ANKIB1: variants seen among roughly 807,000 people sequenced by gnomAD.
ANKIB1 encodes the protein ankyrin repeat and IBR domain-containing protein 1.
ANKIB1 carries 43 observed loss-of-function variants against 122.1 expected under a neutral mutation model. The observed-to-expected ratio is 0.35, with a 90% CI of 0.28 to 0.45. The LOEUF is 0.45. Ranked by LOEUF, ANKIB1 falls within the 20% of genes least tolerant of loss-of-function variation. The probability of loss-of-function intolerance (pLI) is 1.00; values close to 1 mark genes in which losing one functional copy is unlikely to be tolerated. For missense variants in ANKIB1, 992 were observed against 1,329.5 expected (o/e 0.75, Z 3.95); for synonymous variants, 390 against 442.0 (o/e 0.88, Z 1.48).
chr7:92,344,209 T>G (rs80173855), intron 6 of ANKIB1, among the ~76,000 whole-genome samples: 3 of 141,046 alleles, frequency 2.1e-5, no homozygotes, highest in African/African-American at 5.3e-5. Flanking sequence ...TTTTTTTTTT[T>G]TTTTTTTTTT....
chr7:92,251,247 G>A (rs1344475104), intron 1 of ANKIB1, among the ~76,000 whole-genome samples: 3 of 152,146 alleles, frequency 2.0e-5, no homozygotes, highest in African/African-American at 4.8e-5. Context: ...TCCTCACTGA[G>A]CTGTAAAATG....
At chr7:92,345,723 A>G (rs973858800) in intron 7 of ANKIB1, among the ~76,000 whole-genome samples, 3 of 152,180 alleles carry the variant, frequency 2.0e-5, no homozygotes, top group African/African-American at 4.8e-5. Flanking sequence ...GAGACACACA[A>G]AGCTATTGTT....
intron 1 of ANKIB1, among the ~76,000 whole-genome samples, chr7:92,271,003 TTTG>T (rs1356894086): frequency 6.6e-6 from 1 of 152,034 alleles, no homozygotes; most frequent in Non-Finnish European, 1.5e-5. Context: ...AGATAATGCT[TTTG>T]TTGTTATGTT....
intron 5 of ANKIB1, among the ~76,000 whole-genome samples, chr7:92,333,185 C>T (rs1237912409): frequency 6.6e-6 from 1 of 152,212 alleles, no homozygotes; most frequent in Non-Finnish European, 1.5e-5. Context: ...CTAATCATGA[C>T]AACCTATTCT....
chr7:92,312,663 C>T (rs1443734021), intron 3 of ANKIB1, among the ~76,000 whole-genome samples: 1 of 152,108 alleles, frequency 6.6e-6, no homozygotes, highest in East Asian at 1.9e-4. Flanking sequence ...TATACAGAAA[C>T]AGGCAGCAGG....
rs182214291 is a variant in ANKIB1, at chr7:92,339,834, G to T, written c.788-3190G>T. Among the ~76,000 whole-genome samples the T allele has an allele frequency of 2.2e-3, 322 of 145,120 alleles. 1 individual carries two copies. Among genetic ancestry groups the T allele is most frequent in the African/African-American group, 7.6e-3 (297 of 39,278 alleles). On this transcript the variant is annotated intron_variant, in intron 5 of 19. Coordinates refer to ENST00000265742, the MANE Select transcript of ANKIB1 (RefSeq NM_019004.2). ...CTTTTTTTCTTGCAGTTTATAGGTT[G>T]TCTATCATTTTTTCTATCAATAGTT...
chr7:92,260,195 C>T (rs1801531892), intron 1 of ANKIB1, among the ~76,000 whole-genome samples: 2 of 152,274 alleles, frequency 1.3e-5, no homozygotes, highest in Admixed American at 1.3e-4. Flanking sequence ...TTGCCTGCCC[C>T]TATTCTCTTG....
intron 2 of ANKIB1, among the ~76,000 whole-genome samples, chr7:92,295,403 T>C (rs1802333942): frequency 6.6e-6 from 1 of 152,226 alleles, no homozygotes; most frequent in Non-Finnish European, 1.5e-5. Context: ...TTCTTTATTA[T>C]ATCTGAATTA....
At chr7:92,316,472 T>C (rs750001964) in intron 3 of ANKIB1, among the ~76,000 whole-genome samples, 5 of 152,222 alleles carry the variant, frequency 3.3e-5, no homozygotes, top group Non-Finnish European at 7.3e-5. Context: ...ATGCCAAAGA[T>C]AACATGCAGG....
chr7:92,252,000 C>G (rs1011135887), intron 1 of ANKIB1, among the ~76,000 whole-genome samples: 1 of 152,168 alleles, frequency 6.6e-6, no homozygotes, highest in African/African-American at 2.4e-5. Context: ...GCCCTGTATT[C>G]TGTGTGGTGA....
chr7:92,389,553 C>T (rs1470614038), intron 14 of ANKIB1, among the ~76,000 whole-genome samples: 1 of 151,932 alleles, frequency 6.6e-6, no homozygotes, highest in African/African-American at 2.4e-5. Flanking sequence ...TAATTAGGCT[C>T]TTTTTATAAG....
intron 8 of ANKIB1, among the ~76,000 whole-genome samples, chr7:92,351,679 A>G (rs1163826176): frequency 6.8e-6 from 1 of 147,842 alleles, no homozygotes; most frequent in Non-Finnish European, 1.5e-5. Flanking sequence ...ACTGAGTCTA[A>G]TATGTGAACT....
intron 1 of ANKIB1, among the ~76,000 whole-genome samples, chr7:92,261,443 C>G (rs2131882359): frequency 6.6e-6 from 1 of 151,376 alleles, no homozygotes; most frequent in Non-Finnish European, 1.5e-5. Context: ...CATACTACAC[C>G]TGGCATAAAT....
chr7:92,320,755 T>C (rs1802891229), intron 4 of ANKIB1, among the ~76,000 whole-genome samples: 1 of 152,234 alleles, frequency 6.6e-6, no homozygotes, highest in South Asian at 2.1e-4. Flanking sequence ...TTCTTCCTTC[T>C]ATTCTTGTAT....
chr7:92,283,331 G>A (rs1802049073), intron 1 of ANKIB1, among the ~76,000 whole-genome samples: 1 of 151,990 alleles, frequency 6.6e-6, no homozygotes, highest in Non-Finnish European at 1.5e-5. Flanking sequence ...GGTAATTTTC[G>A]CTACCCTCTA....
At position 92,352,551 on chromosome 7, in the gene ANKIB1, C is replaced by A. The variant is rs1470950096; in HGVS notation, c.1306C>A (p.Gln436Lys). ...GCDRAVRLTK[Q>K]GSNTSGSDTL... The stretch of plus-strand genomic sequence containing the variant: ...TGACAGAGCAGTAAGACTAACGAAA[C>A]AAGGGTCAAATACATCTGGATCTGA... Residue 436 changes from glutamine (Q) to lysine (K), a missense_variant, in exon 9 of 20, where the codon CAA becomes AAA. Coordinates refer to ENST00000265742, the MANE Select transcript of ANKIB1 (RefSeq NM_019004.2). The A allele has an allele frequency of 6.2e-7, 1 of 1,613,548 alleles. No individual in the cohort carries two copies. The highest frequency in any genetic ancestry group is 2.2e-5 in the East Asian group (1 of 44,878).
At chr7:92,373,501 T>G (rs186419215) in intron 11 of ANKIB1, among the ~76,000 whole-genome samples, 3 of 152,330 alleles carry the variant, frequency 2.0e-5, no homozygotes, top group Admixed American at 2.0e-4. Flanking sequence ...AAGAAACATT[T>G]ACTTATAAGC....
rs568361765 is a variant in ANKIB1 at position 92,275,897 on chromosome 7, T to C, written c.-90-18992T>C. ...TACATGTCTCTTTGTGTACCTGTTA[T>C]AGGAGTTATCCTAGGATAATATCTA... On this transcript the variant is annotated intron_variant, in intron 1 of 19. Transcript: ENST00000265742. 3.3e-5 allele frequency among the ~76,000 whole-genome samples: 5 copies of C among 152,310 alleles called. No individual in the cohort carries two copies. In the South Asian group the frequency reaches 8.3e-4, roughly 25 times the overall value.
chr7:92,246,030 T>G lies in ANKIB1; in HGVS notation c.-580T>G. On this transcript the variant is annotated 5_prime_UTR_variant, in exon 1 of 20. Coordinates refer to ENST00000265742, the MANE Select transcript of ANKIB1 (RefSeq NM_019004.2). ...TCCTTTTCACTGGACCTGCAGTCTC[T>G]CAGGGGCTGGTGGCAGGCGACTAGG... 3.8e-6 allele frequency: 1 copy of G among 265,490 alleles called. No homozygotes were observed. Among genetic ancestry groups the G allele is most frequent in the Non-Finnish European group, 7.4e-6 (1 of 136,040 alleles). 16.4% of individuals were successfully genotyped at this position (265,490 alleles called of 1,614,324 possible).
Sources: allele counts gnomAD v4.1 joint callset (sites outside exome capture counted in the v4.1 genomes callset), GRCh38; gene constraint gnomAD v4.1.1; transcripts MANE v1.5; gene names NCBI Gene and HGNC (gene_info 2026-07-23, HGNC 2026-07-21).